FCRL5: variants seen among roughly 807,000 people sequenced by gnomAD.
FCRL5 encodes Fc receptor-like protein 5.
A neutral mutation model predicts 92.1 loss-of-function variants in FCRL5; 79 were observed. The ratio of observed to expected loss-of-function variants is 0.86; its 90% CI spans 0.72 to 1.03. The LOEUF is 1.03. FCRL5 is among the 50% of genes least tolerant of loss of function. The pLI is 0.00. For missense variants in FCRL5, 1,160 were observed against 1,181.1 expected (o/e 0.98, Z 0.26); for synonymous variants, 466 against 469.3 (o/e 0.99, Z 0.09).
intron 2 of FCRL5, 126 bp from the exon 3 acceptor site, chr1:157,547,323 C>A (rs1190524228): frequency 7.9e-6 from 10 of 1,271,402 alleles, no homozygotes; most frequent in Non-Finnish European, 1.1e-5. Context: ...GGGAGGGTCA[C>A]TGATAGCTCA....
intron 8 of FCRL5, among the ~76,000 whole-genome samples, chr1:157,528,884 T>G (rs1204422929): frequency 6.6e-6 from 1 of 152,212 alleles, no homozygotes; most frequent in South Asian, 2.1e-4. Flanking sequence ...AAAACTCTTC[T>G]AGACATTGGT....
intron 2 of FCRL5, 59 bp from the exon 3 acceptor site, chr1:157,547,256 G>A: frequency 6.3e-7 from 1 of 1,597,934 alleles, no homozygotes; most frequent in South Asian, 1.1e-5. Flanking sequence ...CAGCCTCAGG[G>A]CCTCCTGCTG....
chr1:157,534,992 T>C, intron 7 of FCRL5, 100 bp from the exon 8 acceptor site: 1 of 1,041,754 alleles, frequency 9.6e-7, no homozygotes, highest in Non-Finnish European at 1.3e-6. Flanking sequence ...ACAGGATCTC[T>C]AGACTTCACC....
At chr1:157,520,337 G>C in intron 12 of FCRL5, 94 bp downstream of exon 12, 1 of 859,560 alleles carries the variant, frequency 1.2e-6, no homozygotes, top group Non-Finnish European at 1.9e-6. Flanking sequence ...GAGCTCTTGC[G>C]AGCCTGGGAT....
intron 15 of FCRL5, among the ~76,000 whole-genome samples, chr1:157,517,495 AC>A (rs1303056621): frequency 1.3e-5 from 2 of 152,056 alleles, no homozygotes; most frequent in Non-Finnish European, 1.5e-5. Context: ...ATTCTCTAAA[AC>A]CCAAGGACTT....
chr1:157,518,731 GGCTGGTAC>G lies in FCRL5; in HGVS notation c.2704_2711del (p.Val902LeufsTer10). 1.2e-6 allele frequency: 2 copies of G among 1,613,588 alleles called. No homozygotes were observed. On this transcript the variant is annotated frameshift_variant, in exon 14 of 17. Coordinates refer to ENST00000361835, the MANE Select transcript of FCRL5 (RefSeq NM_031281.3). LOFTEE classifies it high-confidence loss of function. Reference sequence around the variant, plus strand: ...TGTACACTGGTTGCAGCTCTTCCCAGGCTGGTACATTGTGATAGGTGGGCTCTTGGGAG... The same window carrying G: ...TGTACACTGGTTGCAGCTCTTCCCAGATTGTGATAGGTGGGCTCTTGGGAG...
At chr1:157,546,134 A>C (rs1651523616) in intron 3 of FCRL5, 1 of 287,412 alleles carries the variant, frequency 3.5e-6, no homozygotes, top group Admixed American at 4.7e-5. Context: ...TATTATTCCA[A>C]GTAAATAATG....
chr1:157,542,260 C>A (rs1273840466), intron 6 of FCRL5: 3 of 152,660 alleles, frequency 2.0e-5, no homozygotes, highest in Non-Finnish European at 2.9e-5. Flanking sequence ...TTGGCAGCTA[C>A]CTGAATAGCT....
At chr1:157,537,483 C>T (rs939444668) in intron 7 of FCRL5, among the ~76,000 whole-genome samples, 1 of 152,140 alleles carries the variant, frequency 6.6e-6, no homozygotes, top group African/African-American at 2.4e-5. Flanking sequence ...ACAATGCGTG[C>T]CCGAAGCTTC....
chr1:157,527,494 C>G (rs1345364193), intron 9 of FCRL5, 123 bp downstream of exon 9: 4 of 961,368 alleles, frequency 4.2e-6, no homozygotes, highest in Non-Finnish European at 6.0e-6. Flanking sequence ...GCTGTGTAGG[C>G]ACCAAGCCTG....
At chr1:157,547,434 T>G (rs1191100046) in intron 2 of FCRL5, 1 of 712,966 alleles carries the variant, frequency 1.4e-6, no homozygotes, top group African/African-American at 1.7e-5. Context: ...ACCAGCAGGA[T>G]TCGCCATCAA....
chr1:157,542,424 G>C (rs1188648111), intron 6 of FCRL5: 1 of 158,190 alleles, frequency 6.3e-6, no homozygotes, highest in Non-Finnish European at 1.4e-5. Flanking sequence ...CCAGCGACTT[G>C]TCTTTGTGTC....
intron 6 of FCRL5, among the ~76,000 whole-genome samples, chr1:157,540,053 G>A (rs954480824): frequency 3.3e-5 from 5 of 152,178 alleles, no homozygotes; most frequent in Non-Finnish European, 1.5e-5. Context: ...ATTGAGACCT[G>A]TCTCAGATAG....
rs758494224 is a variant in FCRL5 at position 157,546,981 on chromosome 1, G to A, written c.269C>T (p.Ser90Phe). The change falls in exon 3 of 17, where the codon TCC becomes TTC. Residue 90 changes from serine (S) to phenylalanine (F), a missense_variant. By Grantham distance (155) the Ser-to-Phe change is radical. Coordinates refer to ENST00000361835, the MANE Select transcript of FCRL5 (RefSeq NM_031281.3). ...SGEYRCQAQG[S>F]PLSSPVHLDF... ...CAAGTGCACAGGGCTACTGAGAGGG[G>A]AGCCCTGGGCCTGGCATCTGTACTC... 2.5e-6 allele frequency: 4 copies of A among 1,614,150 alleles called. No homozygotes were observed. The highest frequency in any genetic ancestry group is 3.4e-6 in the Non-Finnish European group (4 of 1,179,988).
intron 10 of FCRL5, chr1:157,522,606 G>A (rs2101600604): frequency 6.6e-6 from 1 of 152,352 alleles, no homozygotes; most frequent in African/African-American, 2.4e-5. Flanking sequence ...TGTTGATGAT[G>A]ATGACACTGG....
In FCRL5 at chr1:157,527,641, C is replaced by T. The variant is rs1345787643; in HGVS notation, c.1936G>A (p.Asp646Asn). 1 of 1,611,352 alleles carries T rather than the reference C, an allele frequency of 6.2e-7. No individual in the cohort carries two copies. The highest frequency in any genetic ancestry group is 1.3e-5 in the African/African-American group (1 of 74,998). The change falls in exon 9 of 17, where the codon GAC (aspartate) becomes AAC (asparagine). Residue 646 changes from aspartate (D) to asparagine (N), a missense_variant. Asp to Asn is a conservative substitution (Grantham distance 23, BLOSUM62 1). Coordinates refer to ENST00000361835, the MANE Select transcript of FCRL5 (RefSeq NM_031281.3). The part of the protein sequence containing the change: ...ANNGLVAQHS[D>N]TISLSVIVPV... Reference sequence around the variant, plus strand: ...CCTATAACACTGAGTGATATTGTGTCACTGTGCTGGGCCACTAGGCCATTG... The same window carrying T: ...CCTATAACACTGAGTGATATTGTGTTACTGTGCTGGGCCACTAGGCCATTG...
In FCRL5 at chr1:157,524,218, TGCA is replaced by T. The variant is rs764057263; in HGVS notation, c.2239+58_2239+60del. ...GGAGCTCTGTGGCTCCATTTTCAGC[TGCA>T]GGGAGAACAGGCACAGTCAGTTCTC... On this transcript the variant is annotated intron_variant, in intron 10 of 16. Transcript: ENST00000361835. The T allele has an allele frequency of 2.5e-6, 4 of 1,582,564 alleles. No individual in the cohort carries two copies. In the Admixed American group the frequency reaches 6.8e-5, roughly 27 times the overall value.
intron 15 of FCRL5, among the ~76,000 whole-genome samples, chr1:157,516,293 G>A (rs548239351): frequency 6.6e-6 from 1 of 152,188 alleles, no homozygotes; most frequent in African/African-American, 2.4e-5. Context: ...GTTGGGGGAA[G>A]TCACTCAACA....
intron 8 of FCRL5, chr1:157,533,509 A>C (rs1650792461): frequency 1.3e-5 from 2 of 152,004 alleles, no homozygotes; most frequent in South Asian, 4.2e-4. Flanking sequence ...ATTTTTTTAA[A>C]TCCCCTCTTA....
Sources: gnomAD v4.1 joint callset for allele counts (sites outside exome capture counted in the v4.1 genomes callset) on GRCh38, gnomAD v4.1.1 for gene constraint, MANE v1.5 for transcripts, NCBI Gene and HGNC (gene_info 2026-07-23, HGNC 2026-07-21) for gene names.